The following ITGA9 variants were observed in gnomAD, a reference collection of about 807,000 sequenced individuals.
ITGA9 encodes integrin subunit alpha 9, also known as integrin alpha-9.
In ITGA9, 56 loss-of-function variants were observed where a neutral mutation model predicts 127.8. The observed-to-expected ratio is 0.44, with a 90% CI of 0.35 to 0.55. The LOEUF (loss-of-function observed/expected upper bound fraction) is 0.55. Among genes scored for constraint, ITGA9 ranks in the 20% least tolerant of loss-of-function variants. The pLI, the probability that ITGA9 is intolerant of heterozygous loss-of-function variation, is 0.00. For missense variants in ITGA9, 1,196 were observed against 1,347.1 expected, an observed-to-expected ratio of 0.89 and a Z score of 1.76; for synonymous variants, 508 against 514.5, an observed-to-expected ratio of 0.99 and a Z score of 0.17.
intron 23 of ITGA9, 131 bp from the exon 24 acceptor site, chr3:37,777,261 C>T (rs1427597448): frequency 9.8e-7 from 1 of 1,022,920 alleles, no homozygotes; most frequent in Non-Finnish European, 1.5e-6. Flanking sequence ...AGCCATTGTT[C>T]TCCACTTCAA....
chr3:37,516,362 A>G (rs1356916917), intron 9 of ITGA9, among the ~76,000 whole-genome samples: 2 of 152,178 alleles, frequency 1.3e-5, no homozygotes, highest in Non-Finnish European at 1.5e-5. Flanking sequence ...TGGTTTTGCC[A>G]TGTCCTAGCC....
chr3:37,500,263 A>G (rs1164333714), intron 5 of ITGA9, among the ~76,000 whole-genome samples: 1 of 152,214 alleles, frequency 6.6e-6, no homozygotes, highest in African/African-American at 2.4e-5. Flanking sequence ...TGTGTTTCCC[A>G]GTGGAGCGTC....
intron 15 of ITGA9, among the ~76,000 whole-genome samples, chr3:37,604,644 CT>C (rs1302803672): frequency 6.6e-6 from 1 of 152,212 alleles, no homozygotes; most frequent in African/African-American, 2.4e-5. Context: ...TATGATTCAC[CT>C]TTACTGAATG....
At chr3:37,674,554 C>T (rs1440270307) in intron 17 of ITGA9, among the ~76,000 whole-genome samples, 1 of 152,204 alleles carries the variant, frequency 6.6e-6, no homozygotes, top group African/African-American at 2.4e-5. Flanking sequence ...ATATACACCC[C>T]TCAGATTCAA....
At chr3:37,659,629 T>C (rs1700513455) in intron 17 of ITGA9, among the ~76,000 whole-genome samples, 1 of 152,072 alleles carries the variant, frequency 6.6e-6, no homozygotes, top group African/African-American at 2.4e-5. Context: ...TAGAACATGC[T>C]CCTTTAGCTC....
intron 17 of ITGA9, among the ~76,000 whole-genome samples, chr3:37,655,314 G>A (rs1700466825): frequency 6.6e-6 from 1 of 152,206 alleles, no homozygotes; most frequent in African/African-American, 2.4e-5. Context: ...CCCACCAACA[G>A]TGTAAAAGCA....
intron 4 of ITGA9, among the ~76,000 whole-genome samples, chr3:37,490,231 G>A (rs111633969): frequency 2.0e-5 from 3 of 152,138 alleles, no homozygotes; most frequent in East Asian, 3.8e-4. Context: ...TAGAACTGGC[G>A]GGAAAGTTGT....
chr3:37,480,980 C>A (rs937834396), intron 3 of ITGA9, among the ~76,000 whole-genome samples: 2 of 152,200 alleles, frequency 1.3e-5, no homozygotes, highest in Admixed American at 6.5e-5. Flanking sequence ...ACAGCCATTC[C>A]TACGTCCCCC....
chr3:37,455,831 T>C (rs1423970421), intron 1 of ITGA9, among the ~76,000 whole-genome samples: 1 of 152,090 alleles, frequency 6.6e-6, no homozygotes, highest in African/African-American at 2.4e-5. Flanking sequence ...GACCCCAAAG[T>C]CAGCACGGAC....
chr3:37,598,351 C>G (rs1490637726), intron 15 of ITGA9, among the ~76,000 whole-genome samples: 1 of 152,132 alleles, frequency 6.6e-6, no homozygotes, highest in Non-Finnish European at 1.5e-5. Flanking sequence ...AGAAGCCTCT[C>G]TGCCCTGGGG....
chr3:37,621,037 C>T (rs1333879521), intron 15 of ITGA9, among the ~76,000 whole-genome samples: 2 of 152,294 alleles, frequency 1.3e-5, no homozygotes, highest in Admixed American at 1.3e-4. Context: ...TTATAATTCC[C>T]ACATGCTGTG....
chr3:37,815,534 G>A (rs915836928), intron 27 of ITGA9, among the ~76,000 whole-genome samples: 2 of 151,938 alleles, frequency 1.3e-5, no homozygotes, highest in Non-Finnish European at 2.9e-5. Flanking sequence ...ACTTGAACCT[G>A]GGAGGCAGAG....
At position 37,514,776 on chromosome 3, in the gene ITGA9, T is replaced by C. The variant is rs1299745088; in HGVS notation, c.1035+876T>C. 3.3e-5 allele frequency among the ~76,000 whole-genome samples: 5 copies of C among 152,164 alleles called. No homozygotes were observed. The South Asian group carries it at 6.2e-4, about 19-fold the overall frequency. The stretch of plus-strand genomic sequence containing the variant: ...TTAGTAGAGATGGGGTTTCACCATG[T>C]TGGCCAGGCTGGTCTCAAACTCCTG... On this transcript the variant is annotated intron_variant, in intron 9 of 27. Coordinates refer to ENST00000264741, the MANE Select transcript of ITGA9 (RefSeq NM_002207.3).
intron 9 of ITGA9, among the ~76,000 whole-genome samples, chr3:37,516,145 A>T (rs1698981787): frequency 6.6e-6 from 1 of 152,178 alleles, no homozygotes; most frequent in Non-Finnish European, 1.5e-5. Flanking sequence ...CTCTTGAAGC[A>T]CAAGAACTCC....
intron 8 of ITGA9, among the ~76,000 whole-genome samples, chr3:37,509,814 C>A (rs549466698): frequency 6.6e-6 from 1 of 152,208 alleles, no homozygotes; most frequent in African/African-American, 2.4e-5. Flanking sequence ...GTTTTCCAAG[C>A]ACCCTTAAAG....
chr3:37,553,417 C>T (rs1699397557), intron 15 of ITGA9, among the ~76,000 whole-genome samples: 1 of 152,226 alleles, frequency 6.6e-6, no homozygotes, highest in South Asian at 2.1e-4. Context: ...AGTCACTCAG[C>T]CTTGCTCCTT....
Position 37,512,113 on chromosome 3 carries a change from CTTCCTTCT to C in ITGA9, c.898-1646_898-1639del, listed in dbSNP as rs1480071935. ...CCTTCCTTCCTTCCTTCCTTCCTTC[CTTCCTTCT>C]TTCTTTTCTTTTCTTTTCTTTTCTT... On this transcript the variant is annotated intron_variant, in intron 8 of 27. Coordinates refer to ENST00000264741, the MANE Select transcript of ITGA9 (RefSeq NM_002207.3). 1.0e-3 allele frequency among the ~76,000 whole-genome samples: 77 copies of C among 75,578 alleles called. 2 individuals carry two copies. Among genetic ancestry groups the C allele is most frequent in the African/African-American group, 3.1e-3 (53 of 17,062 alleles). The allele number at this position is 75,578 out of a possible 152,430, so 49.6% of individuals were successfully genotyped here.
chr3:37,786,439 T>A (rs1473409834), intron 26 of ITGA9, among the ~76,000 whole-genome samples: 2 of 152,016 alleles, frequency 1.3e-5, no homozygotes, highest in Middle Eastern at 6.8e-3. Context: ...CTAAAAAATA[T>A]AAAAATTAGC....
intron 18 of ITGA9, among the ~76,000 whole-genome samples, chr3:37,718,430 C>G (rs1701156521): frequency 6.6e-6 from 1 of 152,178 alleles, no homozygotes; most frequent in African/African-American, 2.4e-5. Context: ...ACCATAATAC[C>G]AGGGTTCCTC....
Sources: allele counts gnomAD v4.1 joint callset (sites outside exome capture counted in the v4.1 genomes callset), GRCh38; gene constraint gnomAD v4.1.1; transcripts MANE v1.5; gene names NCBI Gene and HGNC (gene_info 2026-07-23, HGNC 2026-07-21).